The following FBRSL1 variants were observed in gnomAD, a reference collection of about 807,000 sequenced individuals.
The protein encoded by FBRSL1 is fibrosin like 1, also known as fibrosin-1-like protein.
A neutral mutation model predicts 89.6 loss-of-function variants in FBRSL1; 51 were observed. That is an observed-to-expected ratio of 0.57 (90% CI 0.45 to 0.72). FBRSL1 has a LOEUF of 0.72. FBRSL1 is among the 30% of genes least tolerant of loss of function. The pLI is 0.00. For synonymous variants in FBRSL1, 779 were observed against 681.1 expected (o/e 1.14, Z -2.24); for missense variants, 1,618 against 1,451.8 (o/e 1.11, Z -1.86).
At chr12:132,545,229 C>G (rs555645949) in intron 4 of FBRSL1, among the ~76,000 whole-genome samples, 5 of 152,332 alleles carry the variant, frequency 3.3e-5, no homozygotes, top group African/African-American at 1.2e-4. Flanking sequence ...TCCTGCCTAT[C>G]ACAAACCCAC....
intron 4 of FBRSL1, among the ~76,000 whole-genome samples, chr12:132,536,449 T>C (rs546630716): frequency 1.3e-5 from 2 of 151,372 alleles, no homozygotes; most frequent in African/African-American, 4.9e-5. Context: ...TGACTGTGAG[T>C]GCATGTGTAT....
At chr12:132,560,632 C>T (rs1424680340) in intron 5 of FBRSL1, among the ~76,000 whole-genome samples, 1 of 152,164 alleles carries the variant, frequency 6.6e-6, no homozygotes. Context: ...CGTGTCTGGC[C>T]GAGGCTGCTC....
intron 2 of FBRSL1, chr12:132,510,174 C>T (rs2034171752): frequency 8.1e-7 from 1 of 1,231,378 alleles, no homozygotes; most frequent in African/African-American, 1.6e-5. Flanking sequence ...CCTGCGGCCG[C>T]TCATGGGCCC....
At chr12:132,544,751 T>C (rs1050655829) in intron 4 of FBRSL1, among the ~76,000 whole-genome samples, 1 of 151,594 alleles carries the variant, frequency 6.6e-6, no homozygotes, top group Non-Finnish European at 1.5e-5. Flanking sequence ...GTGACAATGG[T>C]GATAGTGATT....
rs567368289 is a variant in FBRSL1, at chr12:132,570,971, C to T, written c.1214-97C>T. The T allele has an allele frequency of 5.2e-4, 431 of 827,200 alleles. 1 individual carries two copies. The African/African-American group carries it at 7.4e-3, about 14-fold the overall frequency. 51.2% of individuals were successfully genotyped at this position (827,200 alleles called of 1,614,324 possible). A position where few individuals can be genotyped will look rare whatever the true frequency, so the allele number is the denominator to read the frequency against. On this transcript the variant is annotated intron_variant, in intron 8 of 18. Coordinates refer to ENST00000680143, the MANE Select transcript of FBRSL1 (RefSeq NM_001367871.1). ...GAGTCAGCCCGGCCCAGGCTGGGGA[C>T]GGCCCCGTGTCCCGGGATGGGACCA... is the stretch of plus-strand genomic sequence containing the variant.
Position 132,570,032 on chromosome 12 carries a change from C to T in FBRSL1, c.798C>T (p.Ser266=), listed in dbSNP as rs2039898306. ...LSAESFLPTA[S]PAPHAAPCPG... is the part of the protein sequence containing the mutation. ...CCGAGAGCTTCCTGCCCACTGCCAGCCCCGCGCCCCATGCCGCGCCCTGCC... is the reference window on the plus strand; with the variant it reads ...CCGAGAGCTTCCTGCCCACTGCCAGTCCCGCGCCCCATGCCGCGCCCTGCC... Residue 266 remains serine (S), a synonymous_variant, in exon 7 of 19, where the codon AGC becomes AGT. Coordinates refer to ENST00000680143, the MANE Select transcript of FBRSL1 (RefSeq NM_001367871.1). The T allele has an allele frequency of 2.0e-6, 3 of 1,511,524 alleles. No individual in the cohort carries two copies. Among genetic ancestry groups the T allele is most frequent in the South Asian group, 1.2e-5 (1 of 81,238 alleles). The allele number at this position is 1,511,524 out of a possible 1,614,324, so 93.6% of individuals were successfully genotyped here.
At chr12:132,572,262 C>G (rs1311187684) in intron 9 of FBRSL1, 26 bp from the exon 10 acceptor site, 2 of 1,549,494 alleles carry the variant, frequency 1.3e-6, no homozygotes, top group Admixed American at 2.0e-5. Context: ...TGTGCGGGGC[C>G]TCACCCTCCT....
chr12:132,583,355 T>C lies in FBRSL1; in HGVS notation c.2586T>C (p.Arg862=). The change falls in exon 19 of 19, where the codon CGT becomes CGC. Residue 862 remains arginine, a synonymous_variant. Transcript: ENST00000680143. ...CTTTCCGCGGCCTGGAGCTGCCACG[T>C]CGCGCCTTCCCCGCTGCCGCCCCCG... ...WEPFRGLELP[R]RAFPAAAPAP... is the part of the protein sequence containing the mutation. 1.7e-6 allele frequency: 2 copies of C among 1,145,052 alleles called. No individual in the cohort carries two copies. The highest frequency in any genetic ancestry group is 2.7e-5 in the South Asian group (1 of 37,354). 70.9% of individuals were successfully genotyped at this position (1,145,052 alleles called of 1,614,324 possible).
At chr12:132,567,351 G>T (rs865802215) in intron 5 of FBRSL1, 130 bp from the exon 6 acceptor site, 3 of 799,392 alleles carry the variant, frequency 3.8e-6, no homozygotes, top group Non-Finnish European at 6.2e-6. Flanking sequence ...GTACACGGGG[G>T]CATCCACAAG....
intron 2 of FBRSL1, among the ~76,000 whole-genome samples, chr12:132,515,617 A>G (rs577789962): frequency 3.2e-4 from 48 of 152,198 alleles, no homozygotes; most frequent in Middle Eastern, 6.8e-3. Flanking sequence ...TTAATGAGGC[A>G]GGCCAGGTGC....
At chr12:132,553,157 G>A (rs1350477087) in intron 5 of FBRSL1, 1 of 152,652 alleles carries the variant, frequency 6.6e-6, no homozygotes, top group African/African-American at 2.4e-5. Context: ...TCTTCCCTAG[G>A]GACAAAAGTG....
At chr12:132,530,932 T>G (rs1024730163) in intron 4 of FBRSL1, among the ~76,000 whole-genome samples, 1 of 146,280 alleles carries the variant, frequency 6.8e-6, no homozygotes, top group African/African-American at 2.5e-5. Context: ...ACCCGGGGCC[T>G]TGGTCCAGTG....
rs1013554190 is a variant in FBRSL1, at chr12:132,518,544, A to G, written c.490-7190A>G. 4.7e-4 allele frequency among the ~76,000 whole-genome samples: 62 copies of G among 133,160 alleles called. 1 individual carries two copies. Among genetic ancestry groups the G allele is most frequent in the Non-Finnish European group, 1.6e-5 (1 of 63,498 alleles). 87.4% of individuals were successfully genotyped at this position (133,160 alleles called of 152,430 possible). A position where few individuals can be genotyped will look rare whatever the true frequency, so the allele number is the denominator to read the frequency against. On this transcript the variant is annotated intron_variant, in intron 2 of 18. Coordinates refer to ENST00000680143, the MANE Select transcript of FBRSL1 (RefSeq NM_001367871.1). ...CATGCATGCATGCATCCATCCATCCATCCACTTGTGCATCCATCCATCTAC... is the reference window on the plus strand; with the variant it reads ...CATGCATGCATGCATCCATCCATCCGTCCACTTGTGCATCCATCCATCTAC...
At position 132,571,194 on chromosome 12, in the gene FBRSL1, GC is replaced by G. The variant is rs2039984139; in HGVS notation, c.1342del (p.His448ThrfsTer30). ...PAPLGPHVASGHPGLACRPRE... is the reference protein window; with the variant it reads ...PAPLGPHVASXHPGLACRPRE... ...CCCCTGGGCCCGCACGTGGCGAGCG[GC>G]CACCCCGGCTTGGCCTGCCGACCCC... On this transcript the variant is annotated frameshift_variant, in exon 9 of 19. Coordinates refer to ENST00000680143, the MANE Select transcript of FBRSL1 (RefSeq NM_001367871.1). LOFTEE classifies it high-confidence loss of function. 1 of 1,434,516 alleles carries G rather than the reference GC, an allele frequency of 7.0e-7. No individual in the cohort carries two copies. Among genetic ancestry groups the G allele is most frequent in the Non-Finnish European group, 9.2e-7 (1 of 1,091,732 alleles). The allele number at this position is 1,434,516 out of a possible 1,614,324, so 88.9% of individuals were successfully genotyped here. A position where few individuals can be genotyped will look rare whatever the true frequency, so the allele number is the denominator to read the frequency against.
chr12:132,576,607 C>T (rs993606467), intron 14 of FBRSL1, among the ~76,000 whole-genome samples, 192 bp from the exon 15 acceptor site: 20 of 152,346 alleles, frequency 1.3e-4, no homozygotes, highest in Admixed American at 3.3e-4. Context: ...TGAGCTCTCC[C>T]GTTCAGCTTT....
rs187814901 is a variant in FBRSL1, at chr12:132,576,098, A to G, written c.1702-701A>G. Among the ~76,000 whole-genome samples the G allele has an allele frequency of 1.6e-4, 24 of 152,266 alleles. No homozygotes were observed. In the East Asian group the frequency reaches 4.4e-3, roughly 28 times the overall value. ...ATGTTGTAGTTTCATATAATTTTTA[A>G]CACATTTAACTTTGAAAACTGATAC... On this transcript the variant is annotated intron_variant, in intron 14 of 18. Coordinates refer to ENST00000680143, the MANE Select transcript of FBRSL1 (RefSeq NM_001367871.1).
intron 1 of FBRSL1, among the ~76,000 whole-genome samples, chr12:132,507,765 G>A (rs1220361266): frequency 6.6e-6 from 1 of 152,112 alleles, no homozygotes; most frequent in Non-Finnish European, 1.5e-5. Context: ...CCCCTGGAGA[G>A]GCTCCTGTGG....
intron 5 of FBRSL1, among the ~76,000 whole-genome samples, chr12:132,549,100 C>T (rs1056866690): frequency 7.9e-5 from 12 of 152,236 alleles, no homozygotes; most frequent in Middle Eastern, 6.8e-3. Flanking sequence ...AGGGTCTGGG[C>T]GGTTCAGTTT....
rs2030668715 is a variant in FBRSL1, at chr12:132,490,585, C to T, written c.15C>T (p.Val5=). MEAK[V]RPSRRSRAQR... is the part of the protein sequence containing the mutation. The stretch of plus-strand genomic sequence containing the variant: ...CACGCGCGGCCATGGAGGCCAAGGT[C>T]CGCCCGAGCCGGCGCTCGCGCGCGC... Residue 5 remains valine, a synonymous_variant, in exon 1 of 19, where the codon GTC becomes GTT. Coordinates refer to ENST00000680143, the MANE Select transcript of FBRSL1 (RefSeq NM_001367871.1). 3 of 982,358 alleles carry T rather than the reference C, an allele frequency of 3.1e-6. No homozygotes were observed. Among genetic ancestry groups the T allele is most frequent in the African/African-American group, 1.8e-5 (1 of 56,648 alleles). 60.9% of individuals were successfully genotyped at this position (982,358 alleles called of 1,614,324 possible).
Sources: gnomAD v4.1 joint callset for allele counts (sites outside exome capture counted in the v4.1 genomes callset) on GRCh38, gnomAD v4.1.1 for gene constraint, MANE v1.5 for transcripts, NCBI Gene and HGNC (gene_info 2026-07-23, HGNC 2026-07-21) for gene names.